Variants in B3GNT5 observed in about 807,000 individuals in gnomAD.
The protein encoded by B3GNT5 is lactosylceramide 1,3-N-acetyl-beta-D-glucosaminyltransferase.
Under a neutral mutation model 25.9 loss-of-function variants are expected in B3GNT5, and 11 were observed. That is an observed-to-expected ratio of 0.42 (90% confidence interval 0.27 to 0.70). The LOEUF (loss-of-function observed/expected upper bound fraction) is 0.70, where lower values mean the gene tolerates loss of function less well. B3GNT5 is among the 30% of genes least tolerant of loss of function. The pLI, the probability that B3GNT5 is intolerant of heterozygous loss-of-function variation, is 0.23. For missense variants in B3GNT5, 385 were observed against 458.4 expected (o/e 0.84, Z 1.46); for synonymous variants, 166 against 158.6 (o/e 1.05, Z -0.35).
chr3:183,256,295 C>T (rs1477771858), intron 1 of B3GNT5, among the ~76,000 whole-genome samples: 2 of 152,012 alleles, frequency 1.3e-5, no homozygotes, highest in Non-Finnish European at 2.9e-5. Flanking sequence ...TCTCTGTGAG[C>T]GAAGATGTAA....
chr3:183,269,711 C>T lies in B3GNT5; in HGVS notation c.-88C>T. ...GACCAACATGTATTAAGATGGACACCTACTCTACGAAACACGAAGTTCTAT... is the reference window on the plus strand; with the variant it reads ...GACCAACATGTATTAAGATGGACACTTACTCTACGAAACACGAAGTTCTAT... On this transcript the variant is annotated 5_prime_UTR_variant, in exon 2 of 2. Transcript: ENST00000326505. 1 of 1,195,944 alleles carries T rather than the reference C, an allele frequency of 8.4e-7. No individual in the cohort carries two copies. Among genetic ancestry groups the T allele is most frequent in the East Asian group, 2.4e-5 (1 of 42,416 alleles). 74.1% of individuals were successfully genotyped at this position (1,195,944 alleles called of 1,614,324 possible). A position where few individuals can be genotyped will look rare whatever the true frequency, so the allele number is the denominator to read the frequency against.
intron 1 of B3GNT5, among the ~76,000 whole-genome samples, chr3:183,265,051 T>C (rs1725966993): frequency 6.6e-6 from 1 of 152,244 alleles, no homozygotes; most frequent in African/African-American, 2.4e-5. Flanking sequence ...AAGCAATTCT[T>C]TGTCCTCTTC....
At position 183,270,884 on chromosome 3, in the gene B3GNT5, T is replaced by C; in HGVS notation, c.1086T>C (p.Leu362=). 1 of 1,608,046 alleles carries C rather than the reference T, an allele frequency of 6.2e-7. No homozygotes were observed. Among genetic ancestry groups the C allele is most frequent in the Non-Finnish European group, 8.5e-7 (1 of 1,178,010 alleles). ...IYCRLMKIIL[L]CKISYVDTYP... ...GCAGATTAATGAAGATAATTCTCCT[T>C]TGTAAAATTAGCTATGTGGACACAT... The change falls in exon 2 of 2, where the codon CTT becomes CTC. Residue 362 remains leucine, a synonymous_variant. Transcript: ENST00000326505. The surrounding 1 kb of genome is among the most constrained non-coding windows in gnomAD (Gnocchi z 4.5).
intron 1 of B3GNT5, among the ~76,000 whole-genome samples, chr3:183,269,014 T>TA (rs1258675593): frequency 4.0e-5 from 6 of 150,780 alleles, no homozygotes; most frequent in Middle Eastern, 3.4e-3. Context: ...AACCTTAATT[T>TA]AAAAAAAAAG....
rs1726728591 is a variant in B3GNT5 at position 183,271,036 on chromosome 3, G to A, written c.*101G>A. 1 of 1,159,964 alleles carries A rather than the reference G, an allele frequency of 8.6e-7. No individual in the cohort carries two copies. Among genetic ancestry groups the A allele is most frequent in the Non-Finnish European group, 1.2e-6 (1 of 841,892 alleles). The allele number at this position is 1,159,964 out of a possible 1,614,324, so 71.9% of individuals were successfully genotyped here. ...TACCCTAAGTAAAATGAGGACGAAA[G>A]ACAAATATTTTGAAAGCCTAGTCCA... On this transcript the variant is annotated 3_prime_UTR_variant, in exon 2 of 2. Coordinates refer to ENST00000326505, the MANE Select transcript of B3GNT5 (RefSeq NM_032047.5).
intron 1 of B3GNT5, among the ~76,000 whole-genome samples, chr3:183,264,088 G>A (rs947395742): frequency 8.5e-5 from 13 of 152,168 alleles, no homozygotes; most frequent in Admixed American, 2.0e-4. Flanking sequence ...GAGCAAGGGA[G>A]TTACTATAAC....
chr3:183,272,419 A>G lies in B3GNT5; in HGVS notation c.*1484A>G. ...GTCTCATATAATAAGGTGATGTCGG[A>G]AACACGCAAAACAAAACGAAAAAAG... On this transcript the variant is annotated 3_prime_UTR_variant, in exon 2 of 2. Transcript: ENST00000326505. 1.0e-6 allele frequency: 1 copy of G among 1,000,282 alleles called. No homozygotes were observed. The highest frequency in any genetic ancestry group is 1.2e-6 in the Non-Finnish European group (1 of 830,006). The allele number at this position is 1,000,282 out of a possible 1,614,324, so 62.0% of individuals were successfully genotyped here. A position where few individuals can be genotyped will look rare whatever the true frequency, so the allele number is the denominator to read the frequency against.
intron 1 of B3GNT5, among the ~76,000 whole-genome samples, chr3:183,256,119 C>G (rs1725024391): frequency 6.6e-6 from 1 of 152,194 alleles, no homozygotes; most frequent in Non-Finnish European, 1.5e-5. Context: ...GTAAATAGAT[C>G]TCAGCTTTGA....
At chr3:183,266,744 G>T (rs1726168932) in intron 1 of B3GNT5, among the ~76,000 whole-genome samples, 1 of 152,090 alleles carries the variant, frequency 6.6e-6, no homozygotes, top group Admixed American at 6.5e-5. Flanking sequence ...CTGTCCAAAG[G>T]GGGAAATTAC....
At chr3:183,268,535 C>T (rs1726383126) in intron 1 of B3GNT5, among the ~76,000 whole-genome samples, 1 of 151,654 alleles carries the variant, frequency 6.6e-6, no homozygotes, top group Admixed American at 6.6e-5. Flanking sequence ...AGATTTCAGG[C>T]ATAGATGAAA....
At position 183,272,935 on chromosome 3, in the gene B3GNT5, A is replaced by T; in HGVS notation, c.*2000A>T. 1 of 1,401,768 alleles carries T rather than the reference A, an allele frequency of 7.1e-7. No homozygotes were observed. Among genetic ancestry groups the T allele is most frequent in the South Asian group, 1.6e-5 (1 of 63,090 alleles). The allele number at this position is 1,401,768 out of a possible 1,614,324, so 86.8% of individuals were successfully genotyped here. A position where few individuals can be genotyped will look rare whatever the true frequency, so the allele number is the denominator to read the frequency against. The stretch of plus-strand genomic sequence containing the variant: ...GAGCTCTTCTGAACTGTGTCCTTTT[A>T]ATTTTTGCTTAGAATAGAATGGAAC... On this transcript the variant is annotated 3_prime_UTR_variant, in exon 2 of 2. Transcript: ENST00000326505.
At position 183,271,025 on chromosome 3, in the gene B3GNT5, T is replaced by G; in HGVS notation, c.*90T>G. On this transcript the variant is annotated 3_prime_UTR_variant, in exon 2 of 2. Coordinates refer to ENST00000326505, the MANE Select transcript of B3GNT5 (RefSeq NM_032047.5). ...ATGTTCGTCTATACCCTAAGTAAAA[T>G]GAGGACGAAAGACAAATATTTTGAA... is the stretch of plus-strand genomic sequence containing the variant. 3.2e-6 allele frequency: 4 copies of G among 1,250,190 alleles called. No individual in the cohort carries two copies. The South Asian group carries it at 6.9e-5, about 21-fold the overall frequency. 77.4% of individuals were successfully genotyped at this position (1,250,190 alleles called of 1,614,324 possible). A position where few individuals can be genotyped will look rare whatever the true frequency, so the allele number is the denominator to read the frequency against.
At position 183,260,620 on chromosome 3, in the gene B3GNT5, C is replaced by A. The variant is rs138739897; in HGVS notation, c.-302+7148C>A. Among the ~76,000 whole-genome samples, 205 of 152,206 alleles carry A rather than the reference C, an allele frequency of 1.3e-3. 2 individuals are homozygous for A. Among genetic ancestry groups the A allele is most frequent in the Middle Eastern group, 0.01 (3 of 294 alleles). ...ATGCCACCAGTCCCGTTAATAAAGA[C>A]TTAGGGTCTGTCTTTACCCATTTGT... is the stretch of plus-strand genomic sequence containing the variant. On this transcript the variant is annotated intron_variant, in intron 1 of 1. Coordinates refer to ENST00000326505, the MANE Select transcript of B3GNT5 (RefSeq NM_032047.5).
At chr3:183,264,371 G>A (rs1488691002) in intron 1 of B3GNT5, among the ~76,000 whole-genome samples, 1 of 152,192 alleles carries the variant, frequency 6.6e-6, no homozygotes, top group Non-Finnish European at 1.5e-5. Flanking sequence ...TTGTGCCTGG[G>A]GTTGGTGTCA....
intron 1 of B3GNT5, among the ~76,000 whole-genome samples, chr3:183,255,192 G>A (rs1724928903): frequency 6.6e-6 from 1 of 152,202 alleles, no homozygotes; most frequent in Non-Finnish European, 1.5e-5. Context: ...GTGAAAAGCC[G>A]AAGTTGACCC....
chr3:183,261,731 A>G (rs1469675897), intron 1 of B3GNT5, among the ~76,000 whole-genome samples: 1 of 152,098 alleles, frequency 6.6e-6, no homozygotes, highest in African/African-American at 2.4e-5. Flanking sequence ...CTAGAATGGA[A>G]TGATTAAATT....
intron 1 of B3GNT5, among the ~76,000 whole-genome samples, chr3:183,255,524 G>A (rs1724963761): frequency 1.3e-5 from 2 of 152,188 alleles, no homozygotes; most frequent in African/African-American, 4.8e-5. Flanking sequence ...GGCTGACTCA[G>A]GCTGACCCTT....
At chr3:183,266,948 G>A (rs1031152878) in intron 1 of B3GNT5, among the ~76,000 whole-genome samples, 4 of 151,952 alleles carry the variant, frequency 2.6e-5, no homozygotes, top group Admixed American at 1.3e-4. Flanking sequence ...CACCACACCC[G>A]GCTAATTTTT....
intron 1 of B3GNT5, among the ~76,000 whole-genome samples, chr3:183,262,101 A>T (rs1032622117): frequency 6.9e-6 from 1 of 144,856 alleles, no homozygotes; most frequent in African/African-American, 2.8e-5. Flanking sequence ...AAAGTATCAT[A>T]ATACTAATAC....
Sources: allele counts gnomAD v4.1 joint callset (sites outside exome capture counted in the v4.1 genomes callset), GRCh38; gene constraint gnomAD v4.1.1; non-coding constraint Gnocchi (gnomAD v3.1); transcripts MANE v1.5; gene names NCBI Gene and HGNC (gene_info 2026-07-23, HGNC 2026-07-21).